Variants in SIGLEC15 observed in about 807,000 individuals in gnomAD.
The protein encoded by SIGLEC15 is sialic acid-binding Ig-like lectin 15.
In SIGLEC15, 31 loss-of-function variants were observed where a neutral mutation model predicts 26.2. The ratio of observed to expected loss-of-function variants is 1.18; its 90% CI spans 0.89 to 1.60. SIGLEC15 has a LOEUF of 1.60. Ranked by LOEUF, SIGLEC15 falls within the 40% of genes most tolerant of loss-of-function variation. The pLI is 0.00. For missense variants in SIGLEC15, 501 were observed against 488.4 expected, an observed-to-expected ratio of 1.03 and a Z score of -0.24; for synonymous variants, 207 against 221.9, an observed-to-expected ratio of 0.93 and a Z score of 0.60.
chr18:45,838,014 C>T, intron 3 of SIGLEC15, 118 bp downstream of exon 3: 1 of 1,265,082 alleles, frequency 7.9e-7, no homozygotes, highest in Non-Finnish European at 1.0e-6. Flanking sequence ...CGAGACCCAG[C>T]CCTCTCCTCT....
intron 1 of SIGLEC15, among the ~76,000 whole-genome samples, chr18:45,830,677 C>T (rs1292909924): frequency 4.7e-5 from 7 of 149,460 alleles, no homozygotes; most frequent in African/African-American, 1.7e-4. Context: ...CCTCCGCCTC[C>T]CAGGTTCAAG....
At position 45,842,461 on chromosome 18, in the gene SIGLEC15, G is replaced by C; in HGVS notation, c.*274G>C. 64 of 416,326 alleles carry C rather than the reference G, an allele frequency of 1.5e-4. No individual in the cohort carries two copies. Among genetic ancestry groups the C allele is most frequent in the Middle Eastern group, 6.8e-4 (1 of 1,472 alleles). The allele number at this position is 416,326 out of a possible 1,614,324, so 25.8% of individuals were successfully genotyped here. On this transcript the variant is annotated 3_prime_UTR_variant, in exon 6 of 6. Transcript: ENST00000389474. Reference sequence around the variant, plus strand: ...TGTGTGTGAGAGAGAGAGAGAGAGAGTACACGCATTAGCTTGAGCGTGAAA... The same window carrying C: ...TGTGTGTGAGAGAGAGAGAGAGAGACTACACGCATTAGCTTGAGCGTGAAA...
At position 45,842,184 on chromosome 18, in the gene SIGLEC15, G is replaced by A. The variant is rs143689799; in HGVS notation, c.984G>A (p.Pro328=). The change falls in exon 6 of 6, where the codon CCG becomes CCA. Residue 328 remains proline, a synonymous_variant. Transcript: ENST00000389474. ...GCCCACCAGCCACCATGTGCTCACC[G>A]TGAGGAGTCCCTCAGCCACCAACAT... ...PRSPPATMCS[P] 3.5e-3 allele frequency: 5,570 copies of A among 1,614,090 alleles called. 17 individuals carry two copies. Among genetic ancestry groups the A allele is most frequent in the Non-Finnish European group, 4.0e-3 (4,706 of 1,179,970 alleles).
At chr18:45,829,007 C>T in intron 1 of SIGLEC15, 2 of 815,824 alleles carry the variant, frequency 2.5e-6, no homozygotes, top group Non-Finnish European at 3.0e-6. Context: ...CTGAGGAAGT[C>T]CTATCTGGGG....
At chr18:45,838,145 G>A (rs1237893663) in intron 3 of SIGLEC15, among the ~76,000 whole-genome samples, 2 of 152,324 alleles carry the variant, frequency 1.3e-5, no homozygotes, top group East Asian at 3.9e-4. Flanking sequence ...CGTGACTCTC[G>A]TAGAGTGACT....
chr18:45,834,992 G>A (rs746806571), intron 1 of SIGLEC15, among the ~76,000 whole-genome samples: 15 of 152,048 alleles, frequency 9.9e-5, no homozygotes, highest in Non-Finnish European at 2.1e-4. Context: ...AAGGTTCTTT[G>A]ATGATTAACT....
rs182873963 is a variant in SIGLEC15, at chr18:45,828,897, C to T, written c.52+3117C>T. Reference sequence around the variant, plus strand: ...TCGGGACACAGGCAAAGGTCAGGACCGGAGGACATGGGCTGGTGTCACAGC... The same window carrying T: ...TCGGGACACAGGCAAAGGTCAGGACTGGAGGACATGGGCTGGTGTCACAGC... On this transcript the variant is annotated intron_variant, in intron 1 of 5. Transcript: ENST00000389474. 3.3e-5 allele frequency among the ~76,000 whole-genome samples: 5 copies of T among 152,320 alleles called. No individual in the cohort carries two copies. The South Asian group carries it at 6.2e-4, about 19-fold the overall frequency.
Position 45,837,496 on chromosome 18 carries a change from GCCCGC to G in SIGLEC15, c.113-9_113-5del. 6.8e-7 allele frequency: 1 copy of G among 1,468,318 alleles called. No individual in the cohort carries two copies. Among genetic ancestry groups the G allele is most frequent in the Non-Finnish European group, 8.9e-7 (1 of 1,121,248 alleles). 91.0% of individuals were successfully genotyped at this position (1,468,318 alleles called of 1,614,324 possible). A position where few individuals can be genotyped will look rare whatever the true frequency, so the allele number is the denominator to read the frequency against. On this transcript the variant is annotated splice_polypyrimidine_tract_variant and intron_variant, in intron 2 of 5. Transcript: ENST00000389474. ...ACCCCAGGGCCCCGAGCCTGACGCA[GCCCGC>G]CCCGCCCTCAGGCTCGCCAGCGCAG...
In SIGLEC15 at chr18:45,843,873, T is replaced by C. The variant is rs1301142987; in HGVS notation, c.*1686T>C. On this transcript the variant is annotated 3_prime_UTR_variant, in exon 6 of 6. Transcript: ENST00000389474. ...CAGCCTGGGCAACAGAGAGACTGTC[T>C]CCAAAGAAAAAAAAAGAAATAGAAC... The C allele has an allele frequency of 6.6e-6, 1 of 151,578 alleles. No individual in the cohort carries two copies. The allele number at this position is 151,578 out of a possible 1,614,324, so 9.4% of individuals were successfully genotyped here.
At chr18:45,829,607 C>T (rs776581071) in intron 1 of SIGLEC15, among the ~76,000 whole-genome samples, 60 of 152,222 alleles carry the variant, frequency 3.9e-4, no homozygotes, top group Non-Finnish European at 6.9e-4. Context: ...GTCACAATGC[C>T]GGAAGTGCCA....
intron 1 of SIGLEC15, among the ~76,000 whole-genome samples, chr18:45,834,641 C>T (rs757482598): frequency 6.6e-6 from 1 of 152,232 alleles, no homozygotes; most frequent in Non-Finnish European, 1.5e-5. Context: ...AAATCTGTCT[C>T]CTTTTCTAAG....
chr18:45,837,882 G>A lies in SIGLEC15; in HGVS notation c.482G>A (p.Arg161Gln), dbSNP rs759975797. Residue 161 changes from arginine to glutamine, a missense_variant, in exon 3 of 6, where the codon CGG becomes CAG. By Grantham distance (43) the Arg-to-Gln change is conservative (BLOSUM62 1). Coordinates refer to ENST00000389474, the MANE Select transcript of SIGLEC15 (RefSeq NM_213602.3). ...HDRYESRHGV[R>Q]LHVTAAPRIV... ...CGCTACGAGAGCCGCCACGGCGTCCGGCTGCACGTGACAGGCGAGGCGGCG... is the reference window on the plus strand; with the variant it reads ...CGCTACGAGAGCCGCCACGGCGTCCAGCTGCACGTGACAGGCGAGGCGGCG... 7 of 1,526,542 alleles carry A rather than the reference G, an allele frequency of 4.6e-6. No homozygotes were observed. The Admixed American group carries it at 9.8e-5, about 21-fold the overall frequency. The allele number at this position is 1,526,542 out of a possible 1,614,324, so 94.6% of individuals were successfully genotyped here.
chr18:45,835,925 A>G (rs1599393607), intron 1 of SIGLEC15, among the ~76,000 whole-genome samples: 4 of 152,220 alleles, frequency 2.6e-5, no homozygotes, highest in South Asian at 4.1e-4. Flanking sequence ...AGAAGGCTCA[A>G]TGGGTCCAGG....
chr18:45,827,554 CTGCTGTT>C (rs987836296), intron 1 of SIGLEC15, among the ~76,000 whole-genome samples: 2 of 152,226 alleles, frequency 1.3e-5, no homozygotes, highest in African/African-American at 4.8e-5. Flanking sequence ...AAGCCCACCT[CTGCTGTT>C]TGCTGTTTAC....
chr18:45,839,060 G>C lies in SIGLEC15; in HGVS notation c.839G>C (p.Gly280Ala), dbSNP rs748827294. The stretch of plus-strand genomic sequence containing the variant: ...GGCTTCAAGGCGCTGCTGCTGCTCG[G>C]GGTCCTGGCCGCCCGCGCTGCCCGC... ...ALGFKALLLL[G>A]VLAARAARRR... The change falls in exon 4 of 6, where the codon GGG (glycine) becomes GCG (alanine). Residue 280 changes from glycine to alanine, a missense_variant. Gly to Ala is a moderately conservative substitution (Grantham distance 60). Transcript: ENST00000389474. 5 of 1,501,062 alleles carry C rather than the reference G, an allele frequency of 3.3e-6. No homozygotes were observed. In the African/African-American group the frequency reaches 5.8e-5, roughly 17 times the overall value. 93.0% of individuals were successfully genotyped at this position (1,501,062 alleles called of 1,614,324 possible).
intron 1 of SIGLEC15, among the ~76,000 whole-genome samples, chr18:45,834,853 A>G (rs2048263640): frequency 6.6e-6 from 1 of 152,228 alleles, no homozygotes; most frequent in African/African-American, 2.4e-5. Context: ...GGCTGAGGTC[A>G]CAGAAAGTGA....
chr18:45,835,203 A>G (rs954285542), intron 1 of SIGLEC15, among the ~76,000 whole-genome samples: 1 of 152,236 alleles, frequency 6.6e-6, no homozygotes, highest in Non-Finnish European at 1.5e-5. Flanking sequence ...AAGAAGCAGA[A>G]GTTGAGCAGC....
In SIGLEC15 at chr18:45,840,257, G is replaced by A. The variant is rs201873132; in HGVS notation, c.905+16G>A. 6.2e-4 allele frequency: 994 copies of A among 1,609,410 alleles called. 1 individual carries two copies. The highest frequency in any genetic ancestry group is 8.3e-4 in the Middle Eastern group (5 of 6,042). ...CCCCACCACGGTAAGTGAGCTCCCC[G>A]CCTCCACCCTACCCTACCCCACCCA... On this transcript the variant is annotated intron_variant, in intron 5 of 5. Transcript: ENST00000389474.
At position 45,838,787 on chromosome 18, in the gene SIGLEC15, C is replaced by T. The variant is rs766044222; in HGVS notation, c.566C>T (p.Ala189Val). 1.9e-6 allele frequency: 3 copies of T among 1,565,948 alleles called. No homozygotes were observed. Among genetic ancestry groups the T allele is most frequent in the Admixed American group, 3.6e-5 (2 of 55,596 alleles). ...CACGCCTTCCGCGCGCTCTGCACTG[C>T]CGAAGGGGAGCCGCCGCCCGCCCTC... is the stretch of plus-strand genomic sequence containing the variant. ...PAHAFRALCT[A>V]EGEPPPALAW... is the part of the protein sequence containing the mutation. The change falls in exon 4 of 6, where the codon GCC becomes GTC. Residue 189 changes from alanine (A) to valine (V), a missense_variant. Transcript: ENST00000389474.
Sources: allele counts gnomAD v4.1 joint callset (sites outside exome capture counted in the v4.1 genomes callset), GRCh38; gene constraint gnomAD v4.1.1; transcripts MANE v1.5; gene names NCBI Gene and HGNC (gene_info 2026-07-23, HGNC 2026-07-21).